SYNDIG1L: variants seen among roughly 807,000 people sequenced by gnomAD.
The protein encoded by SYNDIG1L is synapse differentiation-inducing gene protein 1-like.
SYNDIG1L carries 13 observed loss-of-function variants against 20.1 expected under a neutral mutation model. That is an observed-to-expected ratio of 0.65 (90% confidence interval 0.42 to 1.03). The LOEUF is 1.03. Ranked by LOEUF, SYNDIG1L falls within the 50% of genes least tolerant of loss-of-function variation. SYNDIG1L has a pLI of 0.00. For synonymous variants in SYNDIG1L, 128 were observed against 129.3 expected (o/e 0.99, Z 0.07); for missense variants, 294 against 305.1 (o/e 0.96, Z 0.27).
At chr14:74,412,919 G>C (rs1297703607) in intron 1 of SYNDIG1L, among the ~76,000 whole-genome samples, 1 of 152,174 alleles carries the variant, frequency 6.6e-6, no homozygotes, top group Admixed American at 6.5e-5. Context: ...CACCATCCAT[G>C]TGGGCTGAGG....
chr14:74,431,081 T>C (rs369720978), upstream of SYNDIG1L, among the ~76,000 whole-genome samples: 2 of 151,600 alleles, frequency 1.3e-5, no homozygotes, highest in South Asian at 4.2e-4. Flanking sequence ...GCTGGGGGAG[T>C]TGCAGAAAGA....
At chr14:74,446,439 C>A in the SYNDIG1L span, among the ~76,000 whole-genome samples, 38 of 151,758 alleles carry the variant, frequency 2.5e-4, no homozygotes, top group African/African-American at 8.5e-4. Flanking sequence ...GCAAAAGAAG[C>A]CAAGAAAAGA....
chr14:74,408,902 A>G (rs2086107182), intron 2 of SYNDIG1L, among the ~76,000 whole-genome samples: 1 of 152,108 alleles, frequency 6.6e-6, no homozygotes, highest in East Asian at 1.9e-4. Flanking sequence ...TGAACAATGA[A>G]ATAGTCAACT....
the SYNDIG1L span, among the ~76,000 whole-genome samples, chr14:74,435,804 C>A: frequency 1.3e-5 from 2 of 152,184 alleles, no homozygotes; most frequent in African/African-American, 4.8e-5. Flanking sequence ...TCCAGAGGAA[C>A]TTTCAGCCGT....
rs774583740 is a variant in SYNDIG1L at position 74,409,391 on chromosome 14, C to T, written c.354G>A (p.Gln118=). The change falls in exon 2 of 4, where the codon CAG becomes CAA. Residue 118 remains glutamine (Q), a synonymous_variant. Transcript: ENST00000331628. ...PGQAAENVTI[Q]TVSYGVQEEL... ...CCTCTTGTACCCCATAGGACACAGTCTGGATGGTGACATTCTCTGCAGCTT... is the reference window on the plus strand; with the variant it reads ...CCTCTTGTACCCCATAGGACACAGTTTGGATGGTGACATTCTCTGCAGCTT... The T allele has an allele frequency of 1.2e-6, 2 of 1,612,564 alleles. No individual in the cohort carries two copies. The highest frequency in any genetic ancestry group is 1.7e-5 in the Admixed American group (1 of 59,798).
chr14:74,409,107 T>A (rs1344799638), intron 2 of SYNDIG1L, among the ~76,000 whole-genome samples: 1 of 151,522 alleles, frequency 6.6e-6, no homozygotes, highest in East Asian at 1.9e-4. Context: ...TGAGTCAGGC[T>A]CTTGCTCTAT....
chr14:74,415,324 A>C (rs2086166043), intron 1 of SYNDIG1L, among the ~76,000 whole-genome samples: 1 of 152,104 alleles, frequency 6.6e-6, no homozygotes, highest in Non-Finnish European at 1.5e-5. Flanking sequence ...ATGCATCAAC[A>C]TCACAGGGAG....
At chr14:74,440,629 A>G in the SYNDIG1L span, among the ~76,000 whole-genome samples, 81 of 151,854 alleles carry the variant, frequency 5.3e-4, 3 homozygotes, top group Admixed American at 1.6e-3. Flanking sequence ...AGCTTGCAGT[A>G]AGCCGAGATC....
At chr14:74,469,903 A>C in the SYNDIG1L span, among the ~76,000 whole-genome samples, 1 of 152,166 alleles carries the variant, frequency 6.6e-6, no homozygotes, top group Non-Finnish European at 1.5e-5. Context: ...TAATTTACAG[A>C]AATAAACAGG....
chr14:74,446,284 G>T, the SYNDIG1L span, among the ~76,000 whole-genome samples: 1 of 152,100 alleles, frequency 6.6e-6, no homozygotes, highest in African/African-American at 2.4e-5. Flanking sequence ...ATGTTTGAAA[G>T]AGTTGAAAAA....
At chr14:74,423,199 TC>T (rs924417081) in intron 1 of SYNDIG1L, among the ~76,000 whole-genome samples, 5 of 152,104 alleles carry the variant, frequency 3.3e-5, no homozygotes, top group African/African-American at 9.7e-5. Context: ...TGGGTAGTTT[TC>T]CCCGGTCAGG....
the SYNDIG1L span, among the ~76,000 whole-genome samples, chr14:74,443,178 G>T: frequency 2.0e-5 from 3 of 152,200 alleles, no homozygotes. Context: ...ACATTTAATT[G>T]CTGGTTGAGA....
rs896361195 is a variant in SYNDIG1L, at chr14:74,407,197, G to T, written c.*338C>A. The T allele has an allele frequency of 1.5e-5, 5 of 340,298 alleles. No homozygotes were observed. Among genetic ancestry groups the T allele is most frequent in the South Asian group, 3.5e-5 (1 of 28,618 alleles). 21.1% of individuals were successfully genotyped at this position (340,298 alleles called of 1,614,324 possible). ...CTGTGGGGAGGTTGGCAGGGTAGGT[G>T]GTGGGCTGGCTGTAGGGCAGGAGAT... On this transcript the variant is annotated 3_prime_UTR_variant, in exon 4 of 4. Transcript: ENST00000331628.
intron 1 of SYNDIG1L, among the ~76,000 whole-genome samples, chr14:74,422,526 C>A (rs1380058982): frequency 6.6e-6 from 1 of 151,912 alleles, no homozygotes; most frequent in African/African-American, 2.4e-5. Context: ...GATGAATTGG[C>A]TTTTGGACTT....
chr14:74,462,111 C>G, the SYNDIG1L span, among the ~76,000 whole-genome samples: 2 of 143,848 alleles, frequency 1.4e-5, no homozygotes, highest in Non-Finnish European at 3.0e-5. Flanking sequence ...AAAAAACAAT[C>G]AATACTCTGT....
chr14:74,469,237 A>G, the SYNDIG1L span, among the ~76,000 whole-genome samples: 1 of 152,042 alleles, frequency 6.6e-6, no homozygotes, highest in Non-Finnish European at 1.5e-5. Flanking sequence ...GACATGGATG[A>G]AGCTGGAAAC....
At chr14:74,431,649 C>G in the SYNDIG1L span, among the ~76,000 whole-genome samples, 1 of 151,928 alleles carries the variant, frequency 6.6e-6, no homozygotes, top group Non-Finnish European at 1.5e-5. Context: ...GATTTTTTCC[C>G]CCACTGTCTA....
chr14:74,434,675 G>A, the SYNDIG1L span, among the ~76,000 whole-genome samples: 1 of 147,580 alleles, frequency 6.8e-6, no homozygotes, highest in African/African-American at 2.5e-5. Context: ...GAGAGAGAGA[G>A]TTTCTACACA....
At chr14:74,471,619 C>T in the SYNDIG1L span, among the ~76,000 whole-genome samples, 1 of 137,802 alleles carries the variant, frequency 7.3e-6, no homozygotes. Flanking sequence ...CACACACATA[C>T]ACACACACAC....
Sources: allele counts gnomAD v4.1 joint callset (sites outside exome capture counted in the v4.1 genomes callset), GRCh38; gene constraint gnomAD v4.1.1; transcripts MANE v1.5; gene names NCBI Gene and HGNC (gene_info 2026-07-23, HGNC 2026-07-21).